PLCB1: variants seen among roughly 807,000 people sequenced by gnomAD.
PLCB1 encodes the protein 1-phosphatidylinositol 4,5-bisphosphate phosphodiesterase beta-1.
PLCB1 carries 46 observed loss-of-function variants against 161.8 expected under a neutral mutation model. That is an observed-to-expected ratio of 0.28 (90% CI 0.22 to 0.36). The LOEUF (loss-of-function observed/expected upper bound fraction) is 0.36. PLCB1 is among the 10% of genes least tolerant of loss of function. The pLI is 1.00. For missense variants in PLCB1, 1,016 were observed against 1,472.5 expected (o/e 0.69, Z 5.07); for synonymous variants, 517 against 503.7 (o/e 1.03, Z -0.35).
At chr20:8,255,258 T>C (rs1396397268) in intron 2 of PLCB1, among the ~76,000 whole-genome samples, 1 of 151,918 alleles carries the variant, frequency 6.6e-6, no homozygotes, top group Non-Finnish European at 1.5e-5. Context: ...TACTAGAAAA[T>C]AGTAATATCA....
rs1020304673 is a variant in PLCB1 at position 8,700,410 on chromosome 20, T to C, written c.1167+2627T>C. On this transcript the variant is annotated intron_variant, in intron 11 of 31. Transcript: ENST00000338037. ...GAGCATTTGCTTCTTGGCCTCTGCC[T>C]GCCATTGAGTCAACTTGGAGTGACT... Among the ~76,000 whole-genome samples the C allele has an allele frequency of 1.4e-4, 21 of 152,364 alleles. 1 individual carries two copies. The highest frequency in any genetic ancestry group is 1.0e-3 in the Admixed American group (16 of 15,306).
chr20:8,445,128 A>G (rs1370945146), intron 3 of PLCB1, among the ~76,000 whole-genome samples: 2 of 152,156 alleles, frequency 1.3e-5, no homozygotes, highest in African/African-American at 2.4e-5. Flanking sequence ...GCCCATGCCT[A>G]TGTCCTAAAT....
intron 2 of PLCB1, among the ~76,000 whole-genome samples, chr20:8,160,998 G>A (rs538043482): frequency 5.9e-5 from 9 of 152,174 alleles, no homozygotes; most frequent in African/African-American, 2.2e-4. Flanking sequence ...AGCAAAGTAT[G>A]TAATATTCAC....
chr20:8,791,228 A>C (rs1048733959), intron 31 of PLCB1, among the ~76,000 whole-genome samples: 1 of 152,092 alleles, frequency 6.6e-6, no homozygotes, highest in African/African-American at 2.4e-5. Flanking sequence ...TAGATTCTCA[A>C]GCAAGAATTA....
chr20:8,543,620 C>CAAAAAAAAA lies in PLCB1; in HGVS notation c.247-84667_247-84659dup, dbSNP rs60587265. 2.8e-4 allele frequency among the ~76,000 whole-genome samples: 36 copies of CAAAAAAAAA among 129,524 alleles called. 2 individuals carry two copies. Among genetic ancestry groups the CAAAAAAAAA allele is most frequent in the African/African-American group, 5.5e-4 (19 of 34,264 alleles). The allele number at this position is 129,524 out of a possible 152,430, so 85.0% of individuals were successfully genotyped here. A position where few individuals can be genotyped will look rare whatever the true frequency, so the allele number is the denominator to read the frequency against. ...TTTGTAAACTACTTCCAAAGAGTTC[C>CAAAAAAAAA]AAAAAAAAAAAAAAACCTGTTGGAC... On this transcript the variant is annotated intron_variant, in intron 3 of 31. Transcript: ENST00000338037.
chr20:8,181,531 C>T (rs78050101), intron 2 of PLCB1, among the ~76,000 whole-genome samples: 11,575 of 152,014 alleles, frequency 0.076, 588 homozygotes, highest in Middle Eastern at 0.15. Flanking sequence ...GCTTATAAGC[C>T]AATATGCCAA....
intron 31 of PLCB1, among the ~76,000 whole-genome samples, chr20:8,857,437 G>A (rs1348742063): frequency 1.3e-5 from 2 of 152,038 alleles, no homozygotes; most frequent in Non-Finnish European, 2.9e-5. Flanking sequence ...TGAATGTATC[G>A]CACTTATCCA....
At chr20:8,762,101 T>A (rs1272584297) in intron 25 of PLCB1, among the ~76,000 whole-genome samples, 1 of 151,986 alleles carries the variant, frequency 6.6e-6, no homozygotes, top group Non-Finnish European at 1.5e-5. Flanking sequence ...TCCCAGCTAC[T>A]CAGGAAGCTG....
intron 3 of PLCB1, among the ~76,000 whole-genome samples, chr20:8,595,190 G>A (rs899880191): frequency 1.5e-4 from 23 of 150,032 alleles, no homozygotes; most frequent in Admixed American, 3.3e-4. Flanking sequence ...ATGCTGGTAC[G>A]CTGCACCCAC....
chr20:8,376,472 G>C (rs902069695), intron 3 of PLCB1, among the ~76,000 whole-genome samples: 4 of 152,120 alleles, frequency 2.6e-5, no homozygotes, highest in African/African-American at 9.7e-5. Context: ...TTCATTGATT[G>C]ATTGATATTC....
At chr20:8,196,471 G>A (rs1235515223) in intron 2 of PLCB1, among the ~76,000 whole-genome samples, 1 of 151,750 alleles carries the variant, frequency 6.6e-6, no homozygotes, top group Admixed American at 6.6e-5. Flanking sequence ...TTCTACCTCT[G>A]TAGAAATGGA....
intron 3 of PLCB1, among the ~76,000 whole-genome samples, chr20:8,620,924 A>G (rs1988166320): frequency 6.6e-6 from 1 of 152,134 alleles, no homozygotes; most frequent in African/African-American, 2.4e-5. Context: ...TTGATTTTAA[A>G]TTATGCTCTG....
intron 26 of PLCB1, among the ~76,000 whole-genome samples, chr20:8,774,276 C>T (rs1023737148): frequency 1.3e-5 from 2 of 152,276 alleles, no homozygotes; most frequent in South Asian, 4.2e-4. Context: ...CTCACCACTG[C>T]CATGCCTAGG....
At chr20:8,729,719 C>T (rs1980131913) in intron 18 of PLCB1, 1 of 151,876 alleles carries the variant, frequency 6.6e-6, no homozygotes. Flanking sequence ...TCGCTAAAAA[C>T]TTATTTCTAT....
intron 2 of PLCB1, among the ~76,000 whole-genome samples, chr20:8,297,223 G>T (rs955590785): frequency 4.6e-5 from 7 of 151,888 alleles, no homozygotes; most frequent in African/African-American, 1.7e-4. Context: ...ATCTATATGT[G>T]TATATCTATA....
At chr20:8,830,742 G>T (rs1231235681) in intron 31 of PLCB1, among the ~76,000 whole-genome samples, 1 of 151,950 alleles carries the variant, frequency 6.6e-6, no homozygotes, top group African/African-American at 2.4e-5. Flanking sequence ...ACTAATTGTA[G>T]TAAAATCTCT....
intron 2 of PLCB1, among the ~76,000 whole-genome samples, chr20:8,276,001 T>C (rs1051221219): frequency 2.0e-5 from 3 of 152,168 alleles, no homozygotes; most frequent in Non-Finnish European, 2.9e-5. Flanking sequence ...ATTTTTATTT[T>C]TCCTCTTGAT....
At chr20:8,846,380 A>G (rs1418949738) in intron 31 of PLCB1, among the ~76,000 whole-genome samples, 1 of 152,082 alleles carries the variant, frequency 6.6e-6, no homozygotes, top group African/African-American at 2.4e-5. Context: ...AATCCAAACC[A>G]TATCACCTAT....
intron 9 of PLCB1, among the ~76,000 whole-genome samples, chr20:8,665,806 A>T (rs1036225528): frequency 1.3e-5 from 2 of 152,294 alleles, no homozygotes; most frequent in Non-Finnish European, 2.9e-5. Context: ...TGAAAGATCA[A>T]ACATGCCCTA....
Sources: gnomAD v4.1 joint callset for allele counts (sites outside exome capture counted in the v4.1 genomes callset) on GRCh38, gnomAD v4.1.1 for gene constraint, MANE v1.5 for transcripts, NCBI Gene and HGNC (gene_info 2026-07-23, HGNC 2026-07-21) for gene names.